ZBTB20: variants seen among roughly 807,000 people sequenced by gnomAD.
The protein encoded by ZBTB20 is zinc finger and BTB domain-containing protein 20.
Under a neutral mutation model 56.9 loss-of-function variants are expected in ZBTB20, and 9 were observed. That is an observed-to-expected ratio of 0.16 (90% CI 0.10 to 0.28). The LOEUF is 0.28. Ranked by LOEUF, ZBTB20 falls within the 10% of genes least tolerant of loss-of-function variation. The pLI, the probability that ZBTB20 is intolerant of heterozygous loss-of-function variation, is 1.00. For synonymous variants in ZBTB20, 417 were observed against 420.7 expected (o/e 0.99, Z 0.11); for missense variants, 655 against 1,003.0 (o/e 0.65, Z 4.69).
intron 5 of ZBTB20, among the ~76,000 whole-genome samples, chr3:114,798,466 A>T (rs555228067): frequency 1.4e-4 from 22 of 152,066 alleles, no homozygotes; most frequent in African/African-American, 5.3e-4. Flanking sequence ...GTCTCAAAAA[A>T]TGAGCCCAAG....
chr3:114,793,429 G>C (rs1051756217), intron 5 of ZBTB20, among the ~76,000 whole-genome samples: 1 of 151,722 alleles, frequency 6.6e-6, no homozygotes, highest in African/African-American at 2.4e-5. Flanking sequence ...GATATGATGG[G>C]GTATTGGGCA....
At chr3:114,438,035 A>G (rs1477265172) in intron 7 of ZBTB20, among the ~76,000 whole-genome samples, 1 of 152,164 alleles carries the variant, frequency 6.6e-6, no homozygotes, top group Admixed American at 6.5e-5. Context: ...CTTAGATGCT[A>G]CATGTAGACT....
intron 3 of ZBTB20, among the ~76,000 whole-genome samples, chr3:114,910,254 C>G (rs570243136): frequency 1.3e-5 from 2 of 151,734 alleles, no homozygotes; most frequent in South Asian, 4.2e-4. Context: ...ATAAAGATAT[C>G]ACATATGTGG....
intron 7 of ZBTB20, among the ~76,000 whole-genome samples, chr3:114,421,397 C>A (rs1186845342): frequency 6.6e-6 from 1 of 152,176 alleles, no homozygotes; most frequent in Non-Finnish European, 1.5e-5. Flanking sequence ...TATACCTAAA[C>A]TCTAATGGAC....
chr3:114,994,974 C>T lies in ZBTB20; in HGVS notation c.-506-20558G>A, dbSNP rs572991448. 2.6e-5 allele frequency among the ~76,000 whole-genome samples: 4 copies of T among 151,956 alleles called. No homozygotes were observed. The South Asian group carries it at 6.2e-4, about 24-fold the overall frequency. ...GTGGCCCTACAGGAGTGCCTTGGAA[C>T]ATAGATTGCAAACCATGGCATTATG... is the stretch of plus-strand genomic sequence containing the variant. On this transcript the variant is annotated intron_variant, in intron 2 of 11. Coordinates refer to ENST00000675478, the MANE Select transcript of ZBTB20 (RefSeq NM_001348800.3).
intron 2 of ZBTB20, among the ~76,000 whole-genome samples, chr3:115,048,211 C>G (rs527290370): frequency 6.6e-6 from 1 of 152,024 alleles, no homozygotes; most frequent in South Asian, 2.1e-4. Context: ...GGCGACAGAG[C>G]GAGACTCTGT....
chr3:114,903,526 C>T (rs2075206380), intron 3 of ZBTB20, among the ~76,000 whole-genome samples: 3 of 152,006 alleles, frequency 2.0e-5, no homozygotes, highest in Admixed American at 2.0e-4. Context: ...GTTCACAGAA[C>T]ATTTCTGAAT....
At chr3:114,699,527 G>T (rs1010512347) in intron 5 of ZBTB20, among the ~76,000 whole-genome samples, 1 of 151,882 alleles carries the variant, frequency 6.6e-6, no homozygotes, top group African/African-American at 2.4e-5. Flanking sequence ...TTTAGAAAAA[G>T]AATTGCAACT....
chr3:114,490,472 C>T (rs1310845817), intron 7 of ZBTB20, among the ~76,000 whole-genome samples: 1 of 152,100 alleles, frequency 6.6e-6, no homozygotes, highest in Non-Finnish European at 1.5e-5. Context: ...CTGCCTGCCT[C>T]GGCCTCCCAA....
chr3:114,530,175 T>C (rs950703019), intron 6 of ZBTB20, among the ~76,000 whole-genome samples: 2 of 152,230 alleles, frequency 1.3e-5, no homozygotes, highest in Non-Finnish European at 1.5e-5. Flanking sequence ...GGTGTTCACA[T>C]TCACTCATCA....
At chr3:114,432,722 A>G (rs1047411401) in intron 7 of ZBTB20, among the ~76,000 whole-genome samples, 2 of 152,174 alleles carry the variant, frequency 1.3e-5, no homozygotes, top group South Asian at 2.1e-4. Flanking sequence ...TAATGTATTT[A>G]TTTTGGAATT....
intron 4 of ZBTB20, among the ~76,000 whole-genome samples, chr3:114,876,135 T>TA (rs2076184912): frequency 1.3e-5 from 2 of 150,126 alleles, no homozygotes; most frequent in Non-Finnish European, 1.5e-5. Context: ...TTTTTTTTTT[T>TA]AATTTTTTAT....
chr3:114,486,271 T>C lies in ZBTB20; in HGVS notation c.-255+14081A>G, dbSNP rs189331372. 3.4e-3 allele frequency among the ~76,000 whole-genome samples: 523 copies of C among 151,776 alleles called. 3 individuals carry two copies. The highest frequency in any genetic ancestry group is 7.4e-3 in the African/African-American group (308 of 41,440). ...GATTTGGGATGGAGTGGTAAACACATAGGTTACTAGGAGGTGGCTTGCCTC... is the reference window on the plus strand; with the variant it reads ...GATTTGGGATGGAGTGGTAAACACACAGGTTACTAGGAGGTGGCTTGCCTC... On this transcript the variant is annotated intron_variant, in intron 7 of 11. Transcript: ENST00000675478.
chr3:115,023,641 T>C (rs2080296551), intron 2 of ZBTB20, among the ~76,000 whole-genome samples: 1 of 150,980 alleles, frequency 6.6e-6, no homozygotes, highest in Admixed American at 6.6e-5. Context: ...CCTTACTCTT[T>C]GTACTTTTTT....
At chr3:114,606,534 T>C (rs1006934411) in intron 6 of ZBTB20, among the ~76,000 whole-genome samples, 3 of 152,072 alleles carry the variant, frequency 2.0e-5, no homozygotes, top group African/African-American at 7.2e-5. Flanking sequence ...ACTGCTAAAA[T>C]GGAAGAGAAA....
chr3:114,482,649 C>T (rs1351874962), intron 7 of ZBTB20, among the ~76,000 whole-genome samples: 1 of 152,082 alleles, frequency 6.6e-6, no homozygotes, highest in Non-Finnish European at 1.5e-5. Context: ...ACTGTTTACA[C>T]ACATACATGG....
At chr3:114,426,937 A>T (rs2089725309) in intron 7 of ZBTB20, among the ~76,000 whole-genome samples, 1 of 152,242 alleles carries the variant, frequency 6.6e-6, no homozygotes, top group African/African-American at 2.4e-5. Context: ...AAATTGGTAT[A>T]AAAAACAAAA....
chr3:115,062,000 C>T (rs1333861617), intron 2 of ZBTB20, among the ~76,000 whole-genome samples: 2 of 152,124 alleles, frequency 1.3e-5, no homozygotes, highest in African/African-American at 4.8e-5. Flanking sequence ...ATCCAATCTA[C>T]ATTAATTGAA....
intron 11 of ZBTB20, among the ~76,000 whole-genome samples, chr3:114,350,002 A>G (rs1208007444): frequency 2.0e-5 from 3 of 152,132 alleles, no homozygotes; most frequent in African/African-American, 7.2e-5. Flanking sequence ...TATGGCTTAT[A>G]TAATGACCTG....
Sources: allele counts gnomAD v4.1 joint callset (sites outside exome capture counted in the v4.1 genomes callset), GRCh38; gene constraint gnomAD v4.1.1; transcripts MANE v1.5; gene names NCBI Gene and HGNC (gene_info 2026-07-23, HGNC 2026-07-21).